NXPH1: variants seen among roughly 807,000 people sequenced by gnomAD.
NXPH1 encodes neurexophilin 1.
In NXPH1, 5 loss-of-function variants were observed where a neutral mutation model predicts 23.7. That is an observed-to-expected ratio of 0.21 (90% CI 0.11 to 0.44). The LOEUF (loss-of-function observed/expected upper bound fraction) is 0.44. Among genes scored for constraint, NXPH1 ranks in the 20% least tolerant of loss-of-function variants. The probability of loss-of-function intolerance (pLI) is 0.99; values close to 1 mark genes in which losing one functional copy is unlikely to be tolerated. For synonymous variants in NXPH1, 144 were observed against 122.2 expected (o/e 1.18, Z -1.18); for missense variants, 324 against 321.6 (o/e 1.01, Z -0.06).
chr7:8,679,634 A>G (rs546492929), intron 2 of NXPH1, among the ~76,000 whole-genome samples: 21 of 152,342 alleles, frequency 1.4e-4, no homozygotes, highest in Admixed American at 2.0e-4. Flanking sequence ...TTGGTTAAGA[A>G]CAAATATTTG....
chr7:8,606,315 C>G (rs375166416), intron 2 of NXPH1, among the ~76,000 whole-genome samples: 2 of 152,042 alleles, frequency 1.3e-5, no homozygotes, highest in African/African-American at 4.8e-5. Context: ...TTCTCCTTTT[C>G]CCCACCCTAC....
intron 2 of NXPH1, among the ~76,000 whole-genome samples, chr7:8,707,590 A>G (rs555760473): frequency 1.3e-5 from 2 of 151,358 alleles, no homozygotes; most frequent in African/African-American, 2.4e-5. Context: ...GGCAATGAGT[A>G]TATATATATA....
chr7:8,526,740 G>A (rs1461118386), intron 2 of NXPH1, among the ~76,000 whole-genome samples: 1 of 152,116 alleles, frequency 6.6e-6, no homozygotes, highest in East Asian at 1.9e-4. Flanking sequence ...CGAAAGAAGT[G>A]CCTTTTACCT....
At chr7:8,496,784 T>G (rs1817344665) in intron 2 of NXPH1, among the ~76,000 whole-genome samples, 1 of 152,088 alleles carries the variant, frequency 6.6e-6, no homozygotes, top group African/African-American at 2.4e-5. Context: ...AAAAGTAGTT[T>G]CCTTTTCTTA....
intron 2 of NXPH1, among the ~76,000 whole-genome samples, chr7:8,748,727 C>A (rs1780515158): frequency 6.6e-6 from 1 of 152,166 alleles, no homozygotes; most frequent in Non-Finnish European, 1.5e-5. Context: ...TGTTAGCCTA[C>A]CCAGAGTTTC....
intron 2 of NXPH1, among the ~76,000 whole-genome samples, chr7:8,674,195 A>ACC (rs1820914300): frequency 6.9e-6 from 1 of 145,728 alleles, no homozygotes; most frequent in Non-Finnish European, 1.5e-5. Context: ...ACACACACAC[A>ACC]CACACACACC....
intron 2 of NXPH1, among the ~76,000 whole-genome samples, chr7:8,605,843 A>G (rs1340972354): frequency 6.6e-6 from 1 of 152,070 alleles, no homozygotes; most frequent in Non-Finnish European, 1.5e-5. Context: ...TAATATTTCT[A>G]TTTGCAGCTT....
intron 2 of NXPH1, among the ~76,000 whole-genome samples, chr7:8,441,145 T>C (rs1245092670): frequency 6.6e-6 from 1 of 152,164 alleles, no homozygotes; most frequent in East Asian, 1.9e-4. Flanking sequence ...ACCTTAACAG[T>C]CCTCGCCGTT....
chr7:8,458,437 G>A (rs549947906), intron 2 of NXPH1, among the ~76,000 whole-genome samples: 48 of 152,266 alleles, frequency 3.2e-4, no homozygotes, highest in Admixed American at 2.9e-3. Flanking sequence ...TCAGTTTTGG[G>A]TAAGGCTTAG....
chr7:8,435,580 A>G lies in NXPH1; in HGVS notation c.-110-24A>G. On this transcript the variant is annotated intron_variant, in intron 1 of 2. Coordinates refer to ENST00000405863, the MANE Select transcript of NXPH1 (RefSeq NM_152745.3). This position sits in a 1 kb window ranked among gnomAD's most constrained non-coding sequence, Gnocchi z 5.9. ...CTAACCTTGCCCGCGTAGTCATGGG[A>G]TGTCTAATTTTATTTGCATCTAGGC... is the stretch of plus-strand genomic sequence containing the variant. 1.3e-6 allele frequency: 1 copy of G among 774,798 alleles called. No homozygotes were observed. The highest frequency in any genetic ancestry group is 1.5e-5 in the South Asian group (1 of 67,288). The allele number at this position is 774,798 out of a possible 1,614,324, so 48.0% of individuals were successfully genotyped here. A position where few individuals can be genotyped will look rare whatever the true frequency, so the allele number is the denominator to read the frequency against.
intron 2 of NXPH1, among the ~76,000 whole-genome samples, chr7:8,696,601 T>A (rs1022702046): frequency 2.0e-5 from 3 of 152,224 alleles, no homozygotes. Flanking sequence ...TTGCAGTAAT[T>A]TCCAGGCATA....
At chr7:8,524,544 A>C (rs1817832657) in intron 2 of NXPH1, among the ~76,000 whole-genome samples, 1 of 152,046 alleles carries the variant, frequency 6.6e-6, no homozygotes, top group South Asian at 2.1e-4. Context: ...AATTAAGGGG[A>C]CTTTTGTTTA....
At chr7:8,625,981 T>C (rs1327017879) in intron 2 of NXPH1, among the ~76,000 whole-genome samples, 1 of 152,184 alleles carries the variant, frequency 6.6e-6, no homozygotes, top group South Asian at 2.1e-4. Flanking sequence ...TCTTTTTGTC[T>C]GTGAATCTTT....
chr7:8,695,179 T>C (rs1324622427), intron 2 of NXPH1, among the ~76,000 whole-genome samples: 1 of 152,218 alleles, frequency 6.6e-6, no homozygotes, highest in Non-Finnish European at 1.5e-5. Context: ...GTAGGTACAT[T>C]GTGCTGTAAT....
At chr7:8,466,464 A>G (rs539105714) in intron 2 of NXPH1, among the ~76,000 whole-genome samples, 1 of 152,222 alleles carries the variant, frequency 6.6e-6, no homozygotes, top group Non-Finnish European at 1.5e-5. Flanking sequence ...ATGAATTTTT[A>G]TGAACAGAAA....
At chr7:8,529,626 A>G (rs1161176773) in intron 2 of NXPH1, among the ~76,000 whole-genome samples, 1 of 152,202 alleles carries the variant, frequency 6.6e-6, no homozygotes, top group Non-Finnish European at 1.5e-5. Flanking sequence ...TTATTAACTC[A>G]ATCAAATTAT....
intron 2 of NXPH1, among the ~76,000 whole-genome samples, chr7:8,466,727 T>C (rs1181665147): frequency 6.6e-6 from 1 of 152,216 alleles, no homozygotes. Flanking sequence ...CTTTATACCT[T>C]GAAGAAACTT....
intron 2 of NXPH1, among the ~76,000 whole-genome samples, chr7:8,489,824 A>AG (rs1817219340): frequency 6.6e-6 from 1 of 152,124 alleles, no homozygotes; most frequent in Non-Finnish European, 1.5e-5. Context: ...CTCTCAGTTA[A>AG]GGGACCAATT....
At chr7:8,696,692 G>C (rs1372767693) in intron 2 of NXPH1, among the ~76,000 whole-genome samples, 1 of 151,998 alleles carries the variant, frequency 6.6e-6, no homozygotes, top group Non-Finnish European at 1.5e-5. Context: ...AAGTTGTATA[G>C]AGAGAGTAGA....
Sources: allele counts gnomAD v4.1 joint callset (sites outside exome capture counted in the v4.1 genomes callset), GRCh38; gene constraint gnomAD v4.1.1; non-coding constraint Gnocchi (gnomAD v3.1); transcripts MANE v1.5; gene names NCBI Gene and HGNC (gene_info 2026-07-23, HGNC 2026-07-21).